Variants in KCNS3 observed in about 807,000 individuals in gnomAD.
KCNS3 encodes delayed-rectifier potassium channel regulatory subunit KCNS3.
In KCNS3, 13 loss-of-function variants were observed where a neutral mutation model predicts 31.0. The ratio of observed to expected loss-of-function variants is 0.42; its 90% confidence interval spans 0.27 to 0.67. The LOEUF (loss-of-function observed/expected upper bound fraction) is 0.67, where lower values mean the gene tolerates loss of function less well. Ranked by LOEUF, KCNS3 falls within the 30% of genes least tolerant of loss-of-function variation. The pLI is 0.25. For synonymous variants in KCNS3, 238 were observed against 241.5 expected (o/e 0.99, Z 0.13); for missense variants, 545 against 622.4 (o/e 0.88, Z 1.32).
intron 1 of KCNS3, among the ~76,000 whole-genome samples, chr2:17,882,427 C>T (rs535987464): frequency 1.4e-4 from 21 of 152,338 alleles, no homozygotes; most frequent in Admixed American, 5.9e-4. Context: ...GAGCCTTGAA[C>T]TTGGACACAG....
intron 1 of KCNS3, among the ~76,000 whole-genome samples, chr2:17,917,084 T>TC (rs1662607639): frequency 6.6e-6 from 1 of 152,084 alleles, no homozygotes; most frequent in Admixed American, 6.6e-5. Context: ...ACTTAAAACA[T>TC]CCCCCCAACA....
chr2:17,931,198 G>A lies in KCNS3; in HGVS notation c.190G>A (p.Asp64Asn), dbSNP rs952234451. The A allele has an allele frequency of 9.9e-6, 16 of 1,613,946 alleles. No homozygotes were observed. The Admixed American group carries it at 1.3e-4, about 13-fold the overall frequency. The part of the protein sequence containing the change: ...LELCDDYSVA[D>N]KEYYFDRNPS... Reference sequence around the variant, plus strand: ...GCTGTGTGATGATTACAGTGTGGCCGATAAGGAGTACTACTTTGATCGGAA... The same window carrying A: ...GCTGTGTGATGATTACAGTGTGGCCAATAAGGAGTACTACTTTGATCGGAA... Residue 64 changes from aspartate (D) to asparagine (N), a missense_variant, in exon 3 of 3, where the codon GAT (aspartate) becomes AAT (asparagine). Asp to Asn is a conservative substitution (Grantham distance 23). Coordinates refer to ENST00000304101, the MANE Select transcript of KCNS3 (RefSeq NM_002252.5). This position sits in a 1 kb window ranked among gnomAD's most constrained non-coding sequence, Gnocchi z 5.4.
chr2:17,880,970 G>A (rs1674632778), intron 1 of KCNS3, among the ~76,000 whole-genome samples: 2 of 152,136 alleles, frequency 1.3e-5, no homozygotes, highest in South Asian at 2.1e-4. Flanking sequence ...GCACCACAGG[G>A]TTTTCCTCCT....
At position 17,917,859 on chromosome 2, in the gene KCNS3, C is replaced by A. The variant is rs1217285093; in HGVS notation, c.-72C>A. On this transcript the variant is annotated 5_prime_UTR_variant, in exon 2 of 3. Coordinates refer to ENST00000304101, the MANE Select transcript of KCNS3 (RefSeq NM_002252.5). ...AGGATGAAGGCAGAGCGTGTGGCATCTCCACCTCAAGGGTAAGAGTTGCCA... is the reference window on the plus strand; with the variant it reads ...AGGATGAAGGCAGAGCGTGTGGCATATCCACCTCAAGGGTAAGAGTTGCCA... 7 of 152,746 alleles carry A rather than the reference C, an allele frequency of 4.6e-5. No individual in the cohort carries two copies. Among genetic ancestry groups the A allele is most frequent in the African/African-American group, 1.7e-4 (7 of 41,460 alleles). The allele number at this position is 152,746 out of a possible 1,614,324, so 9.5% of individuals were successfully genotyped here.
rs1178141983 is a variant in KCNS3, at chr2:17,915,845, G to C, written c.-251-1835G>C. Among the ~76,000 whole-genome samples the C allele has an allele frequency of 2.6e-5, 4 of 152,034 alleles. 1 individual carries two copies. The highest frequency in any genetic ancestry group is 4.4e-5 in the Non-Finnish European group (3 of 67,986). ...TCTTGTCTGAAAATCCAGTTTTTTT[G>C]GATAGGAATCATGGTGATGGAAAAT... On this transcript the variant is annotated intron_variant, in intron 1 of 2. Transcript: ENST00000304101.
At chr2:17,902,300 G>A (rs185678698) in intron 1 of KCNS3, among the ~76,000 whole-genome samples, 3 of 151,730 alleles carry the variant, frequency 2.0e-5, no homozygotes, top group Non-Finnish European at 4.4e-5. Flanking sequence ...ATTTCAAGAA[G>A]CTGTGTTACA....
intron 1 of KCNS3, among the ~76,000 whole-genome samples, chr2:17,896,317 T>C (rs1354844009): frequency 6.6e-6 from 1 of 152,078 alleles, no homozygotes; most frequent in African/African-American, 2.4e-5. Flanking sequence ...CCCCCTAAAG[T>C]GCTGGGATTA....
intron 1 of KCNS3, among the ~76,000 whole-genome samples, chr2:17,907,485 A>T (rs1415050125): frequency 6.6e-6 from 1 of 152,198 alleles, no homozygotes; most frequent in Non-Finnish European, 1.5e-5. Context: ...GTTATGTGTG[A>T]ATTTGATCCA....
At chr2:17,912,719 G>A (rs909156333) in intron 1 of KCNS3, among the ~76,000 whole-genome samples, 2 of 152,196 alleles carry the variant, frequency 1.3e-5, no homozygotes, top group Admixed American at 6.5e-5. Context: ...CATGCATCAA[G>A]TCTTGGGATT....
intron 1 of KCNS3, among the ~76,000 whole-genome samples, chr2:17,895,087 G>A (rs1661991568): frequency 6.6e-6 from 1 of 152,142 alleles, no homozygotes; most frequent in Non-Finnish European, 1.5e-5. Context: ...ATCCTCCCAG[G>A]ATAGTTTTCA....
chr2:17,926,309 G>T (rs952632087), intron 2 of KCNS3, among the ~76,000 whole-genome samples: 20 of 152,216 alleles, frequency 1.3e-4, no homozygotes, highest in African/African-American at 4.3e-4. Context: ...CAGGTGCTCA[G>T]TGCAAGCTGT....
Position 17,931,824 on chromosome 2 carries a change from A to G in KCNS3, c.816A>G (p.Val272=). 6.2e-7 allele frequency: 1 copy of G among 1,614,214 alleles called. No individual in the cohort carries two copies. The highest frequency in any genetic ancestry group is 1.7e-5 in the Admixed American group (1 of 60,030). Reference sequence around the variant, plus strand: ...TTCCCTTCTATGCCACGTTGGCTGTAGACACCAAGGAGGAAGAGAGTGAGG... The same window carrying G: ...TTCCCTTCTATGCCACGTTGGCTGTGGACACCAAGGAGGAAGAGAGTGAGG... ...SIIPFYATLA[V]DTKEEESEDI... The change falls in exon 3 of 3, where the codon GTA becomes GTG. Residue 272 remains valine, a synonymous_variant. Transcript: ENST00000304101. This position sits in a 1 kb window ranked among gnomAD's most constrained non-coding sequence, Gnocchi z 5.4.
chr2:17,915,744 C>G (rs1234623803), intron 1 of KCNS3, among the ~76,000 whole-genome samples: 1 of 152,166 alleles, frequency 6.6e-6, no homozygotes, highest in East Asian at 1.9e-4. Context: ...TGAGAAGTCA[C>G]ACTTAGAATG....
At chr2:17,888,841 A>C (rs551001032) in intron 1 of KCNS3, among the ~76,000 whole-genome samples, 10 of 151,432 alleles carry the variant, frequency 6.6e-5, no homozygotes, top group African/African-American at 2.4e-4. Flanking sequence ...CTTATAGTAT[A>C]GTTTGAAATC....
chr2:17,929,027 G>A (rs758085107), intron 2 of KCNS3, among the ~76,000 whole-genome samples: 1 of 152,196 alleles, frequency 6.6e-6, no homozygotes, highest in Non-Finnish European at 1.5e-5. Flanking sequence ...CTTTCACGCT[G>A]CTGTCATTGG....
chr2:17,898,139 G>A (rs1662075333), intron 1 of KCNS3, among the ~76,000 whole-genome samples: 1 of 151,734 alleles, frequency 6.6e-6, no homozygotes, highest in African/African-American at 2.4e-5. Context: ...TGGGTTCTCT[G>A]TTCTCTTCCA....
At chr2:17,888,629 G>GTGTATATATA (rs1300748453) in intron 1 of KCNS3, among the ~76,000 whole-genome samples, 1 of 92,406 alleles carries the variant, frequency 1.1e-5, no homozygotes, top group Non-Finnish European at 2.0e-5. Context: ...TAAAAAAAAT[G>GTGTATATATA]TATATATATA....
At chr2:17,920,470 T>G (rs1466312892) in intron 2 of KCNS3, among the ~76,000 whole-genome samples, 1 of 152,230 alleles carries the variant, frequency 6.6e-6, no homozygotes, top group African/African-American at 2.4e-5. Flanking sequence ...AATAAAAGGT[T>G]AATGGCTTTG....
At position 17,904,487 on chromosome 2, in the gene KCNS3, G is replaced by T. The variant is rs558807120; in HGVS notation, c.-251-13193G>T. ...AATTAGATCCCATTTGTCAATTTTG[G>T]CTTTTGTTGCCATTGCTTTTGGTGT... On this transcript the variant is annotated intron_variant, in intron 1 of 2. Transcript: ENST00000304101. 2.4e-4 allele frequency among the ~76,000 whole-genome samples: 37 copies of T among 152,028 alleles called. 1 individual carries two copies. Among genetic ancestry groups the T allele is most frequent in the African/African-American group, 8.9e-4 (37 of 41,480 alleles).
Sources: allele counts gnomAD v4.1 joint callset (sites outside exome capture counted in the v4.1 genomes callset), GRCh38; gene constraint gnomAD v4.1.1; non-coding constraint Gnocchi (gnomAD v3.1); transcripts MANE v1.5; gene names NCBI Gene and HGNC (gene_info 2026-07-23, HGNC 2026-07-21).